Variants in SORBS2 observed in about 807,000 individuals in gnomAD.
SORBS2 encodes sorbin and SH3 domain-containing protein 2.
Under a neutral mutation model 97.7 loss-of-function variants are expected in SORBS2, and 46 were observed. The observed-to-expected ratio is 0.47, with a 90% CI of 0.37 to 0.60. The LOEUF is 0.60. Ranked by LOEUF, SORBS2 falls within the 20% of genes least tolerant of loss-of-function variation. The pLI is 0.00. For missense variants in SORBS2, 1,316 were observed against 1,282.3 expected (o/e 1.03, Z -0.40); for synonymous variants, 476 against 473.4 (o/e 1.01, Z -0.07).
chr4:185,601,399 C>CT (rs574237134), intron 12 of SORBS2, among the ~76,000 whole-genome samples: 6 of 152,110 alleles, frequency 3.9e-5, no homozygotes, highest in Non-Finnish European at 8.8e-5. Flanking sequence ...GTGTAATCTC[C>CT]CATCTTTTCT....
At chr4:185,619,537 T>C (rs918723258) in intron 8 of SORBS2, among the ~76,000 whole-genome samples, 7 of 152,154 alleles carry the variant, frequency 4.6e-5, no homozygotes, top group Non-Finnish European at 1.0e-4. Context: ...TAGCCCCGGC[T>C]CAGGGCCCTG....
In SORBS2 at chr4:185,623,395, G is replaced by A; in HGVS notation, c.1734C>T (p.His578=). Residue 578 remains histidine (H), a synonymous_variant, in exon 7 of 15, where the codon CAC becomes CAT. Transcript: ENST00000418609. This position sits in a 1 kb window ranked among gnomAD's most constrained non-coding sequence, Gnocchi z 6.4. ...CGGTGTTTTCGTGTCTGGCTCTTTC[G>A]TGTTTTAACATTGTGGTAAATCGAG... is the stretch of plus-strand genomic sequence containing the variant. 1.2e-6 allele frequency: 2 copies of A among 1,612,048 alleles called. No homozygotes were observed. Among genetic ancestry groups the A allele is most frequent in the Non-Finnish European group, 1.7e-6 (2 of 1,179,980 alleles).
rs60684733 is a variant in SORBS2 at position 185,604,512 on chromosome 4, C to T, written c.2796+7268G>A. ...GAAAGGGTGTGGGTGCTTGCTCTCC[C>T]GAAGAAAATGACGGAGGCTTAAATA... On this transcript the variant is annotated intron_variant, in intron 12 of 14. Coordinates refer to ENST00000418609, the Ensembl canonical transcript of SORBS2. Among the ~76,000 whole-genome samples the T allele has an allele frequency of 7.0e-3, 1,067 of 152,092 alleles. 13 individuals are homozygous for T. Among genetic ancestry groups the T allele is most frequent in the African/African-American group, 0.024 (1,012 of 41,480 alleles).
At chr4:185,674,874 C>T (rs2097770100) in intron 4 of SORBS2, among the ~76,000 whole-genome samples, 1 of 152,174 alleles carries the variant, frequency 6.6e-6, no homozygotes, top group African/African-American at 2.4e-5. Context: ...TATCTGGTCT[C>T]CACATCTCTA....
intron 4 of SORBS2, chr4:185,677,270 A>G (rs762203661): frequency 6.4e-7 from 1 of 1,552,008 alleles, no homozygotes; most frequent in Non-Finnish European, 8.7e-7. Flanking sequence ...TACTTCCTAG[A>G]TCCTGGTTAT....
At chr4:185,805,816 C>T (rs920465634) in intron 1 of SORBS2, among the ~76,000 whole-genome samples, 1 of 152,194 alleles carries the variant, frequency 6.6e-6, no homozygotes, top group African/African-American at 2.4e-5. Flanking sequence ...TAAATGCACG[C>T]GTTTTGGAAA....
chr4:185,951,327 T>C (rs1298874260), intron 1 of SORBS2, among the ~76,000 whole-genome samples: 1 of 152,146 alleles, frequency 6.6e-6, no homozygotes, highest in Non-Finnish European at 1.5e-5. Context: ...GTCTGACAAA[T>C]GGCTGTGTTC....
chr4:185,664,546 G>T (rs928734411), intron 4 of SORBS2, among the ~76,000 whole-genome samples: 2 of 152,256 alleles, frequency 1.3e-5, no homozygotes, highest in African/African-American at 4.8e-5. Context: ...GCCCGTAGTT[G>T]GGCTGGTCCT....
At chr4:185,937,898 T>C (rs907933696) in intron 1 of SORBS2, among the ~76,000 whole-genome samples, 2 of 152,134 alleles carry the variant, frequency 1.3e-5, no homozygotes, top group Non-Finnish European at 2.9e-5. Context: ...TATCTTCTCC[T>C]CTCTGCCCCT....
intron 1 of SORBS2, among the ~76,000 whole-genome samples, chr4:185,781,634 TTGCCTCCGGCCTCTCCAGCGTCCCTTCC>T (rs2099030681): frequency 8.0e-6 from 1 of 124,802 alleles, no homozygotes; most frequent in Non-Finnish European, 2.0e-5. Context: ...CTCCCTTCCA[TTGCCTCCGGCCTCTCCAGCGTCCCTTCC>T]ATTGCCTCCG....
At chr4:185,789,689 A>AT (rs1043471517) in intron 1 of SORBS2, among the ~76,000 whole-genome samples, 43 of 151,978 alleles carry the variant, frequency 2.8e-4, no homozygotes, top group African/African-American at 1.0e-3. Flanking sequence ...AGAATATACC[A>AT]TTTTTTTACA....
intron 5 of SORBS2, among the ~76,000 whole-genome samples, chr4:185,629,560 A>T (rs1322185303): frequency 3.0e-5 from 4 of 134,076 alleles, no homozygotes; most frequent in South Asian, 2.3e-4. Flanking sequence ...GAATTTTGTG[A>T]TTTGTTTTTT....
At chr4:185,644,908 T>C (rs1049028015) in intron 4 of SORBS2, among the ~76,000 whole-genome samples, 4 of 152,164 alleles carry the variant, frequency 2.6e-5, no homozygotes, top group Non-Finnish European at 4.4e-5. Flanking sequence ...TAGGTGTGCG[T>C]CTGTTTTAAC....
At chr4:185,616,378 CAAA>C (rs1381175342) in intron 9 of SORBS2, among the ~76,000 whole-genome samples, 1 of 152,122 alleles carries the variant, frequency 6.6e-6, no homozygotes, top group East Asian at 1.9e-4. Context: ...ACCCTAAAAA[CAAA>C]GAAGATTCAT....
intron 2 of SORBS2, among the ~76,000 whole-genome samples, chr4:185,679,448 G>A (rs1265100304): frequency 6.6e-6 from 1 of 152,098 alleles, no homozygotes; most frequent in African/African-American, 2.4e-5. Flanking sequence ...TAAATTTCAG[G>A]ACTAATAAAT....
At chr4:185,635,258 T>TTACGG in intron 4 of SORBS2, 97 bp downstream of exon 16, 1 of 874,750 alleles carries the variant, frequency 1.1e-6, no homozygotes, top group South Asian at 1.6e-5. Flanking sequence ...CAAAAATAGC[T>TTACGG]TAGACATTAC....
At chr4:185,614,893 C>T (rs367839973) in exon 11 of SORBS2, 24 of 1,614,038 alleles carry the variant, frequency 1.5e-5, no homozygotes, top group East Asian at 8.9e-5. Context: ...ATAGCTTCTC[C>T]GATTTCTCCG....
Position 185,646,797 on chromosome 4 carries a change from T to C in SORBS2, c.282-15A>G, listed in dbSNP as rs756861508. ...CCCAGTCATGCCTAGAAATAAACAA[T>C]AAATCACACATTAAAATAATCCTTT... is the stretch of plus-strand genomic sequence containing the variant. On this transcript the variant is annotated splice_polypyrimidine_tract_variant and intron_variant, in intron 3 of 14. Transcript: ENST00000418609. The C allele has an allele frequency of 6.6e-6, 9 of 1,368,256 alleles. No individual in the cohort carries two copies. The highest frequency in any genetic ancestry group is 8.4e-6 in the Non-Finnish European group (8 of 955,706). 84.8% of individuals were successfully genotyped at this position (1,368,256 alleles called of 1,614,324 possible). A position where few individuals can be genotyped will look rare whatever the true frequency, so the allele number is the denominator to read the frequency against.
chr4:185,720,889 C>T (rs72702077), intron 2 of SORBS2, among the ~76,000 whole-genome samples: 5,013 of 152,130 alleles, frequency 0.033, 87 homozygotes, highest in Middle Eastern at 0.044. Context: ...ACGGCTCCGA[C>T]ACAAAGTGAC....
Sources: allele counts gnomAD v4.1 joint callset (sites outside exome capture counted in the v4.1 genomes callset), GRCh38; gene constraint gnomAD v4.1.1; non-coding constraint Gnocchi (gnomAD v3.1); transcripts MANE v1.5; gene names NCBI Gene and HGNC (gene_info 2026-07-23, HGNC 2026-07-21).